TCF7: variants seen among roughly 807,000 people sequenced by gnomAD.
The protein encoded by TCF7 is T-cell-factor-7.
Under a neutral mutation model 46.8 loss-of-function variants are expected in TCF7, and 19 were observed. The observed-to-expected ratio is 0.41, with a 90% confidence interval of 0.28 to 0.60. The LOEUF (loss-of-function observed/expected upper bound fraction) is 0.60, where lower values mean the gene tolerates loss of function less well. Ranked by LOEUF, TCF7 falls within the 20% of genes least tolerant of loss-of-function variation. The probability of loss-of-function intolerance (pLI) is 0.35; values close to 1 mark genes in which losing one functional copy is unlikely to be tolerated. For missense variants in TCF7, 547 were observed against 504.6 expected, an observed-to-expected ratio of 1.08 and a Z score of -0.81; for synonymous variants, 245 against 213.4, an observed-to-expected ratio of 1.15 and a Z score of -1.29.
intron 3 of TCF7, among the ~76,000 whole-genome samples, chr5:134,123,167 T>A (rs891779757): frequency 5.9e-5 from 9 of 152,174 alleles, no homozygotes; most frequent in African/African-American, 1.2e-4. Flanking sequence ...ACCAGGAGTG[T>A]GAGTGCTCCA....
rs1263758804 is a variant in TCF7, at chr5:134,146,599, C to T, written c.*296C>T. On this transcript the variant is annotated 3_prime_UTR_variant, in exon 10 of 10. Coordinates refer to ENST00000342854, the MANE Select transcript of TCF7 (RefSeq NM_003202.5). ...AGACCCAGATCTCATGGAAACTGGC[C>T]AGGGGTCCTGTTAACGTCATCTCAG... The T allele has an allele frequency of 2.9e-6, 2 of 689,684 alleles. No individual in the cohort carries two copies. The highest frequency in any genetic ancestry group is 2.7e-5 in the East Asian group (1 of 37,210). The allele number at this position is 689,684 out of a possible 1,614,324, so 42.7% of individuals were successfully genotyped here. A position where few individuals can be genotyped will look rare whatever the true frequency, so the allele number is the denominator to read the frequency against.
rs746842657 is a variant in TCF7 at position 134,142,251 on chromosome 5, G to A, written c.702G>A (p.Pro234=). 10 of 1,609,016 alleles carry A rather than the reference G, an allele frequency of 6.2e-6. No homozygotes were observed. The highest frequency in any genetic ancestry group is 2.2e-5 in the East Asian group (1 of 44,754). The change falls in exon 6 of 10, where the codon CCG becomes CCA. Residue 234 remains proline, a synonymous_variant. Coordinates refer to ENST00000342854, the MANE Select transcript of TCF7 (RefSeq NM_003202.5). ...VPGHPAAIPH[P]AIVPPSGKQE... ...GTCACCCAGCAGCCATCCCCCACCC[G>A]GCCATTGTGCCCCCCTCAGGGAAGC...
rs529225381 is a variant in TCF7, at chr5:134,137,439, A to C, written c.442-620A>C. On this transcript the variant is annotated intron_variant, in intron 3 of 9. Coordinates refer to ENST00000342854, the MANE Select transcript of TCF7 (RefSeq NM_003202.5). ...AGACTCTGTCTCAAAAAAAAAAAAA[A>C]AAAAAAAACAGAGAAAAAAGAAAAG... is the stretch of plus-strand genomic sequence containing the variant. Among the ~76,000 whole-genome samples, 3 of 151,408 alleles carry C rather than the reference A, an allele frequency of 2.0e-5. No homozygotes were observed. The East Asian group carries it at 5.9e-4, about 30-fold the overall frequency.
At position 134,146,680 on chromosome 5, in the gene TCF7, A is replaced by G. The variant is rs1165959230; in HGVS notation, c.*377A>G. 1.6e-6 allele frequency: 1 copy of G among 629,198 alleles called. No homozygotes were observed. Among genetic ancestry groups the G allele is most frequent in the East Asian group, 2.7e-5 (1 of 36,812 alleles). 39.0% of individuals were successfully genotyped at this position (629,198 alleles called of 1,614,324 possible). Reference sequence around the variant, plus strand: ...AGGACTTCTGCCTGAACCTGGGGTCATCGATTCAAACTGCTCCAAGTGGTG... The same window carrying G: ...AGGACTTCTGCCTGAACCTGGGGTCGTCGATTCAAACTGCTCCAAGTGGTG... On this transcript the variant is annotated 3_prime_UTR_variant, in exon 10 of 10. Coordinates refer to ENST00000342854, the MANE Select transcript of TCF7 (RefSeq NM_003202.5).
rs1395031998 is a variant in TCF7 at position 134,146,770 on chromosome 5, A to G, written c.*467A>G. ...ATCCCTTGTACCTATGGCTGCCTGC[A>G]TCTATTCTTTGTACCATCTGTCTTG... is the stretch of plus-strand genomic sequence containing the variant. On this transcript the variant is annotated 3_prime_UTR_variant, in exon 10 of 10. Transcript: ENST00000342854. 5.6e-6 allele frequency: 3 copies of G among 538,962 alleles called. No homozygotes were observed. Among genetic ancestry groups the G allele is most frequent in the Non-Finnish European group, 9.8e-6 (3 of 307,482 alleles). 33.4% of individuals were successfully genotyped at this position (538,962 alleles called of 1,614,324 possible). A position where few individuals can be genotyped will look rare whatever the true frequency, so the allele number is the denominator to read the frequency against.
intron 3 of TCF7, among the ~76,000 whole-genome samples, chr5:134,120,063 G>A (rs1437676595): frequency 4.6e-5 from 7 of 152,154 alleles, no homozygotes; most frequent in Admixed American, 1.3e-4. Context: ...GAGGTGTCCC[G>A]GGCAGAGCCG....
intron 5 of TCF7, chr5:134,140,657 T>C: frequency 5.3e-6 from 2 of 375,916 alleles, no homozygotes; most frequent in Non-Finnish European, 1.1e-5. Flanking sequence ...AGCTGCCCTC[T>C]GGTGGCAGAT....
chr5:134,129,283 G>A (rs1757783094), intron 3 of TCF7, among the ~76,000 whole-genome samples: 2 of 152,142 alleles, frequency 1.3e-5, no homozygotes, highest in African/African-American at 4.8e-5. Context: ...TCTGCACCTG[G>A]TATTTTCCTG....
At chr5:134,123,353 C>T (rs1464963848) in intron 3 of TCF7, among the ~76,000 whole-genome samples, 2 of 152,246 alleles carry the variant, frequency 1.3e-5, no homozygotes, top group African/African-American at 2.4e-5. Flanking sequence ...TCGCCTGGCT[C>T]AGCATGTGGC....
intron 9 of TCF7, 85 bp downstream of exon 9, chr5:134,143,725 C>G: frequency 6.5e-7 from 1 of 1,540,872 alleles, no homozygotes. Flanking sequence ...AAGGGAGGAA[C>G]GCGGTACCCA....
At chr5:134,115,776 C>T in intron 2 of TCF7, 133 bp from the exon 3 acceptor site, 2 of 1,512,576 alleles carry the variant, frequency 1.3e-6, no homozygotes, top group Non-Finnish European at 1.8e-6. Context: ...TGCCGATACT[C>T]CCAGCCCGTT....
intron 3 of TCF7, among the ~76,000 whole-genome samples, chr5:134,135,946 A>G (rs997396824): frequency 2.0e-5 from 3 of 152,220 alleles, no homozygotes; most frequent in South Asian, 4.1e-4. Context: ...CTGATGCTGC[A>G]GAGAGGTTGG....
At chr5:134,115,576 T>C in intron 2 of TCF7, 189 bp downstream of exon 2, 2 of 1,441,900 alleles carry the variant, frequency 1.4e-6, no homozygotes, top group Non-Finnish European at 1.8e-6. Flanking sequence ...TCCGGTGCCC[T>C]GACCTTTATA....
intron 5 of TCF7, among the ~76,000 whole-genome samples, chr5:134,140,106 C>T (rs1759511206): frequency 6.6e-6 from 1 of 152,162 alleles, no homozygotes; most frequent in African/African-American, 2.4e-5. Context: ...TCAGGCAGCC[C>T]TGTGCTCTCG....
At chr5:134,144,669 C>G in intron 9 of TCF7, 1 of 702,908 alleles carries the variant, frequency 1.4e-6, no homozygotes, top group Admixed American at 2.1e-5. Flanking sequence ...GCCCACTCTG[C>G]CTATGGGGGC....
intron 4 of TCF7, among the ~76,000 whole-genome samples, chr5:134,138,405 A>T (rs895164881): frequency 5.3e-5 from 8 of 152,146 alleles, no homozygotes; most frequent in African/African-American, 1.9e-4. Flanking sequence ...CCCATGGGTG[A>T]CCCCGCTGCC....
At chr5:134,116,061 C>T in intron 3 of TCF7, 28 bp downstream of exon 3, 9 of 1,598,226 alleles carry the variant, frequency 5.6e-6, no homozygotes, top group South Asian at 2.3e-5. Context: ...CCAGTGCCGC[C>T]CTGTGCTTGC....
intron 9 of TCF7, chr5:134,144,491 C>T: frequency 2.5e-6 from 1 of 396,238 alleles, no homozygotes; most frequent in Non-Finnish European, 4.7e-6. Context: ...CCCTCTGCAG[C>T]CTCCATGCTG....
intron 3 of TCF7, among the ~76,000 whole-genome samples, chr5:134,132,561 G>A (rs1409055702): frequency 6.6e-6 from 1 of 152,250 alleles, no homozygotes; most frequent in Non-Finnish European, 1.5e-5. Context: ...CGCTGGGAAA[G>A]TGTTGTGGGG....
Sources: allele counts gnomAD v4.1 joint callset (sites outside exome capture counted in the v4.1 genomes callset), GRCh38; gene constraint gnomAD v4.1.1; transcripts MANE v1.5; gene names NCBI Gene and HGNC (gene_info 2026-07-23, HGNC 2026-07-21).